FOCAD: variants seen among roughly 807,000 people sequenced by gnomAD.
FOCAD encodes the protein KIAA1797.
A neutral mutation model predicts 225.6 loss-of-function variants in FOCAD; 198 were observed. The ratio of observed to expected loss-of-function variants is 0.88; its 90% CI spans 0.78 to 0.99. The LOEUF is 0.99. Among genes scored for constraint, FOCAD ranks in the 50% least tolerant of loss-of-function variants. FOCAD has a pLI of 0.00. For synonymous variants in FOCAD, 897 were observed against 755.0 expected (o/e 1.19, Z -3.08); for missense variants, 2,713 against 2,123.6 (o/e 1.28, Z -5.46).
chr9:20,770,890 C>A (rs947523932), intron 8 of FOCAD, among the ~76,000 whole-genome samples: 3 of 152,018 alleles, frequency 2.0e-5, no homozygotes, highest in Non-Finnish European at 4.4e-5. Flanking sequence ...TTTATTCATG[C>A]AGAACATATA....
chr9:20,757,946 G>T lies in FOCAD; in HGVS notation c.393-144G>T, dbSNP rs536670748. On this transcript the variant is annotated intron_variant, in intron 5 of 43. Coordinates refer to ENST00000338382, the MANE Select transcript of FOCAD (RefSeq NM_001375567.1). ...TGATGAACCAACTCTGCAACAAATG[G>T]AGCAAGTGATCATTTTGTGACAATT... 12 of 458,522 alleles carry T rather than the reference G, an allele frequency of 2.6e-5. No homozygotes were observed. In the South Asian group the frequency reaches 4.7e-4, roughly 18 times the overall value. 28.4% of individuals were successfully genotyped at this position (458,522 alleles called of 1,614,324 possible). A position where few individuals can be genotyped will look rare whatever the true frequency, so the allele number is the denominator to read the frequency against.
chr9:20,872,402 A>G (rs534004593), intron 18 of FOCAD, among the ~76,000 whole-genome samples: 1 of 152,148 alleles, frequency 6.6e-6, no homozygotes, highest in Admixed American at 6.6e-5. Context: ...TTTATACTAA[A>G]TAATTCTGGA....
Position 20,789,590 on chromosome 9 carries a change from C to T in FOCAD, c.1437C>T (p.Ala479=). ...TACTCAAGGTCACTACAGAATTAGC[C>T]CAAGCAGATTCCTCCCAGGTAAAGC... is the stretch of plus-strand genomic sequence containing the variant. ...HQILKVTTEL[A]QADSSQVPNL... The change falls in exon 11 of 44, where the codon GCC becomes GCT. Residue 479 remains alanine (A), a synonymous_variant. Coordinates refer to ENST00000338382, the MANE Select transcript of FOCAD (RefSeq NM_001375567.1). 6.2e-7 allele frequency: 1 copy of T among 1,613,818 alleles called. No homozygotes were observed. Among genetic ancestry groups the T allele is most frequent in the East Asian group, 2.2e-5 (1 of 44,856 alleles).
In FOCAD at chr9:20,742,255, G is replaced by A. The variant is rs116533595; in HGVS notation, c.392+1915G>A. 2.9e-3 allele frequency among the ~76,000 whole-genome samples: 439 copies of A among 152,256 alleles called. 1 individual carries two copies. Among genetic ancestry groups the A allele is most frequent in the African/African-American group, 9.6e-3 (397 of 41,554 alleles). On this transcript the variant is annotated intron_variant, in intron 5 of 43. Coordinates refer to ENST00000338382, the MANE Select transcript of FOCAD (RefSeq NM_001375567.1). Reference sequence around the variant, plus strand: ...CTAGATAAAATGAATCCGAATCTCCGCCATGAGGCCTAGTGGTTTTAAAAG... The same window carrying A: ...CTAGATAAAATGAATCCGAATCTCCACCATGAGGCCTAGTGGTTTTAAAAG...
rs1359434074 is a variant in FOCAD at position 20,946,714 on chromosome 9, C to G, written c.3569C>G (p.Thr1190Arg). 6.2e-7 allele frequency: 1 copy of G among 1,613,148 alleles called. No individual in the cohort carries two copies. The highest frequency in any genetic ancestry group is 8.5e-7 in the Non-Finnish European group (1 of 1,179,558). ...SRTFQEVLAY[T>R]LSCVCTSAFS... ...TTTTCTTCTCAGGTCCTTGCCTACA[C>G]ACTTAGCTGTGTATGTACATCAGCG... is the stretch of plus-strand genomic sequence containing the variant. Residue 1190 changes from threonine (T) to arginine (R), a missense_variant, in exon 30 of 44, where the codon ACA (threonine) becomes AGA (arginine). Coordinates refer to ENST00000338382, the MANE Select transcript of FOCAD (RefSeq NM_001375567.1).
chr9:20,799,705 T>G (rs1198737233), intron 11 of FOCAD, among the ~76,000 whole-genome samples: 1 of 152,176 alleles, frequency 6.6e-6, no homozygotes, highest in Non-Finnish European at 1.5e-5. Context: ...GCTTGGTAGA[T>G]CTTCCTCCAT....
At chr9:20,684,011 G>A (rs28362534), upstream of FOCAD, 20,167 of 152,342 alleles carry the variant, frequency 0.13, 1,680 homozygotes, top group Non-Finnish European at 0.18. Context: ...CTGCGGTGCT[G>A]CTCCACAGCC....
At chr9:20,793,970 A>T (rs1343578989) in intron 11 of FOCAD, among the ~76,000 whole-genome samples, 2 of 152,166 alleles carry the variant, frequency 1.3e-5, no homozygotes, top group Admixed American at 1.3e-4. Context: ...CCTGAAGTGG[A>T]GCAGTAAGTT....
Position 20,803,602 on chromosome 9 carries a change from A to C in FOCAD, c.1455+13994A>C, listed in dbSNP as rs148008497. Among the ~76,000 whole-genome samples the C allele has an allele frequency of 3.3e-3, 498 of 152,262 alleles. 1 individual carries two copies. The highest frequency in any genetic ancestry group is 0.011 in the African/African-American group (466 of 41,560). Reference sequence around the variant, plus strand: ...GGAATTGTTTCAAATCTCTTATGATAGGGCTGCTTAGAGGAGTGTACAGGA... The same window carrying C: ...GGAATTGTTTCAAATCTCTTATGATCGGGCTGCTTAGAGGAGTGTACAGGA... On this transcript the variant is annotated intron_variant, in intron 11 of 43. Coordinates refer to ENST00000338382, the MANE Select transcript of FOCAD (RefSeq NM_001375567.1).
intron 4 of FOCAD, among the ~76,000 whole-genome samples, chr9:20,734,955 G>A (rs537818136): frequency 1.3e-5 from 2 of 152,268 alleles, no homozygotes; most frequent in South Asian, 4.1e-4. Context: ...TATGTCTATA[G>A]GATGGGGTCA....
Position 20,985,317 on chromosome 9 carries a change from C to G in FOCAD, c.4729-971C>G, listed in dbSNP as rs144156520. On this transcript the variant is annotated intron_variant, in intron 39 of 43. Coordinates refer to ENST00000338382, the MANE Select transcript of FOCAD (RefSeq NM_001375567.1). ...CCAAATGTTGACAATATAAAATAATCGTATTGTTAATAGCACTACCAATCT... is the reference window on the plus strand; with the variant it reads ...CCAAATGTTGACAATATAAAATAATGGTATTGTTAATAGCACTACCAATCT... Among the ~76,000 whole-genome samples the G allele has an allele frequency of 3.8e-3, 582 of 152,236 alleles. 8 individuals carry two copies. Among genetic ancestry groups the G allele is most frequent in the African/African-American group, 0.014 (564 of 41,534 alleles).
chr9:20,865,866 A>G (rs548302721), intron 16 of FOCAD, 60 bp from the exon 17 acceptor site: 88 of 1,238,350 alleles, frequency 7.1e-5, no homozygotes, highest in Non-Finnish European at 9.5e-5. Context: ...ACTTTGGATT[A>G]TTTAGTCTCA....
At chr9:20,770,496 A>T (rs1277016934) in intron 8 of FOCAD, among the ~76,000 whole-genome samples, 4 of 152,156 alleles carry the variant, frequency 2.6e-5, no homozygotes, top group Non-Finnish European at 4.4e-5. Flanking sequence ...CACGCTTTTA[A>T]ACAACCAGAT....
intron 15 of FOCAD, among the ~76,000 whole-genome samples, chr9:20,861,137 C>A (rs1204247512): frequency 2.6e-5 from 4 of 152,186 alleles, no homozygotes; most frequent in Non-Finnish European, 5.9e-5. Context: ...ATAGATTCCT[C>A]TTGAAACTAT....
intron 11 of FOCAD, among the ~76,000 whole-genome samples, chr9:20,818,259 T>C (rs1823941264): frequency 6.6e-6 from 1 of 152,150 alleles, no homozygotes; most frequent in Non-Finnish European, 1.5e-5. Flanking sequence ...GAGTTCTTTA[T>C]ATAGTCTGGG....
intron 1 of FOCAD, 39 bp downstream of exon 1, chr9:20,684,332 C>G (rs943634850): frequency 6.6e-6 from 1 of 152,390 alleles, no homozygotes; most frequent in South Asian, 2.1e-4. Flanking sequence ...CCGCTGCACC[C>G]CTGCTCGGGA....
At chr9:20,904,132 A>T (rs996840608) in intron 21 of FOCAD, among the ~76,000 whole-genome samples, 14 of 151,974 alleles carry the variant, frequency 9.2e-5, no homozygotes, top group African/African-American at 2.7e-4. Context: ...TATGCATATT[A>T]CATATTTTAT....
At chr9:20,972,674 A>G (rs7847662) in intron 35 of FOCAD, among the ~76,000 whole-genome samples, 109,394 of 151,848 alleles carry the variant, frequency 0.72, 39,819 homozygotes, top group East Asian at 0.9. Context: ...TTCAGTATCT[A>G]TTCATTTTGC....
intron 19 of FOCAD, 112 bp from the exon 20 acceptor site, chr9:20,881,758 TA>T: frequency 9.6e-7 from 1 of 1,040,864 alleles, no homozygotes; most frequent in Non-Finnish European, 1.4e-6. Context: ...TTTTACCATG[TA>T]AGGTTTGGCC....
Sources: allele counts gnomAD v4.1 joint callset (sites outside exome capture counted in the v4.1 genomes callset), GRCh38; gene constraint gnomAD v4.1.1; transcripts MANE v1.5; gene names NCBI Gene and HGNC (gene_info 2026-07-23, HGNC 2026-07-21).